Variants in CDK17 observed in about 807,000 individuals in gnomAD.
The protein encoded by CDK17 is cyclin dependent kinase 17.
CDK17 carries 24 observed loss-of-function variants against 77.6 expected under a neutral mutation model. The observed-to-expected ratio is 0.31, with a 90% CI of 0.22 to 0.44. The LOEUF is 0.44. Ranked by LOEUF, CDK17 falls within the 20% of genes least tolerant of loss-of-function variation. The probability of loss-of-function intolerance (pLI) is 1.00; values close to 1 mark genes in which losing one functional copy is unlikely to be tolerated. For missense variants in CDK17, 429 were observed against 622.5 expected, an observed-to-expected ratio of 0.69 and a Z score of 3.31; for synonymous variants, 203 against 210.4, an observed-to-expected ratio of 0.96 and a Z score of 0.30.
intron 1 of CDK17, among the ~76,000 whole-genome samples, chr12:96,369,056 C>T (rs1953646584): frequency 6.6e-6 from 1 of 152,038 alleles, no homozygotes; most frequent in African/African-American, 2.4e-5. Flanking sequence ...AAAAAGTAGG[C>T]CTGTGATAGG....
chr12:96,316,245 G>GAC, intron 3 of CDK17, among the ~76,000 whole-genome samples: 1 of 152,282 alleles, frequency 6.6e-6, no homozygotes, highest in South Asian at 2.1e-4. Flanking sequence ...GCGCTTGTCA[G>GAC]ACCGGCTTAA....
chr12:96,353,115 T>G (rs935521732), intron 1 of CDK17, among the ~76,000 whole-genome samples: 1 of 152,202 alleles, frequency 6.6e-6, no homozygotes, highest in Admixed American at 6.5e-5. Context: ...TATTTGGCCA[T>G]GTAATATCAA....
intron 13 of CDK17, among the ~76,000 whole-genome samples, chr12:96,284,122 G>A (rs565021323): frequency 6.6e-5 from 10 of 152,222 alleles, no homozygotes; most frequent in South Asian, 4.1e-4. Flanking sequence ...GCTTAGCACC[G>A]GGTACTAGAA....
chr12:96,329,019 T>C (rs978956100), intron 2 of CDK17, among the ~76,000 whole-genome samples: 2 of 152,084 alleles, frequency 1.3e-5, no homozygotes, highest in African/African-American at 2.4e-5. Flanking sequence ...TTGGCGACAA[T>C]ATGCTAAGGG....
chr12:96,368,851 A>ACAACAGAG (rs1328632601), intron 1 of CDK17, among the ~76,000 whole-genome samples: 1 of 141,688 alleles, frequency 7.1e-6, no homozygotes, highest in African/African-American at 2.6e-5. Context: ...GGAAAGGAGC[A>ACAACAGAG]CAACAGAGTC....
intron 1 of CDK17, among the ~76,000 whole-genome samples, chr12:96,370,502 T>G (rs541076395): frequency 6.6e-6 from 1 of 152,332 alleles, no homozygotes; most frequent in Admixed American, 6.5e-5. Flanking sequence ...AGATCAAAAG[T>G]AGGATAAGCA....
chr12:96,376,439 T>A (rs1451340730), intron 1 of CDK17, among the ~76,000 whole-genome samples: 3 of 152,172 alleles, frequency 2.0e-5, no homozygotes, highest in Non-Finnish European at 4.4e-5. Context: ...GCCATTCTTA[T>A]CAACACCCAC....
intron 1 of CDK17, among the ~76,000 whole-genome samples, chr12:96,359,364 T>TTTTA (rs1253513699): frequency 3.9e-5 from 6 of 152,216 alleles, no homozygotes; most frequent in Admixed American, 2.6e-4. Context: ...ATAACAAAGA[T>TTTTA]TTTATTCTCT....
intron 1 of CDK17, among the ~76,000 whole-genome samples, chr12:96,346,913 CA>C (rs35225386): frequency 1.3e-3 from 174 of 130,536 alleles, no homozygotes; most frequent in Middle Eastern, 4.1e-3. Flanking sequence ...GACTCTGTCT[CA>C]AAAAAAAAAA....
At chr12:96,373,283 C>G (rs1953721201) in intron 1 of CDK17, among the ~76,000 whole-genome samples, 1 of 152,160 alleles carries the variant, frequency 6.6e-6, no homozygotes, top group African/African-American at 2.4e-5. Flanking sequence ...ATTTAGTTTT[C>G]TCTTCAGAGA....
At chr12:96,315,238 A>T (rs955210537) in intron 3 of CDK17, among the ~76,000 whole-genome samples, 1 of 152,228 alleles carries the variant, frequency 6.6e-6, no homozygotes, top group Non-Finnish European at 1.5e-5. Context: ...GCTTAGATTA[A>T]GGAGAAATTT....
intron 2 of CDK17, among the ~76,000 whole-genome samples, chr12:96,334,049 T>A (rs529606044): frequency 6.6e-6 from 1 of 152,182 alleles, no homozygotes; most frequent in South Asian, 2.1e-4. Flanking sequence ...CTGCCACAAA[T>A]CTCTAACAGC....
At chr12:96,283,667 T>C in intron 13 of CDK17, 22 bp from the exon 14 acceptor site, 1 of 1,532,328 alleles carries the variant, frequency 6.5e-7, no homozygotes, top group African/African-American at 1.4e-5. Flanking sequence ...AAAGAACAAG[T>C]AAAAATTTAT....
chr12:96,345,897 T>A (rs929884929), intron 1 of CDK17, among the ~76,000 whole-genome samples: 6 of 152,192 alleles, frequency 3.9e-5, no homozygotes, highest in Non-Finnish European at 8.8e-5. Context: ...AAATAAGACA[T>A]ACAGAAAACA....
chr12:96,396,045 C>T (rs1328890591), intron 1 of CDK17, among the ~76,000 whole-genome samples: 2 of 152,232 alleles, frequency 1.3e-5, no homozygotes, highest in Admixed American at 6.5e-5. Context: ...AGATAATTTT[C>T]ACCTCATCCC....
rs1442012189 is a variant in CDK17, at chr12:96,304,379, A to G, written c.544-4019T>C. 2.0e-5 allele frequency among the ~76,000 whole-genome samples: 3 copies of G among 152,178 alleles called. No individual in the cohort carries two copies. In the East Asian group the frequency reaches 5.8e-4, roughly 29 times the overall value. ...TAGTGAAACCCTGTCTCTACTAAAA[A>G]TACAAAAATTAGCTGGGTGTGGTGG... On this transcript the variant is annotated intron_variant, in intron 5 of 16. Transcript: ENST00000261211.
intron 1 of CDK17, among the ~76,000 whole-genome samples, chr12:96,361,513 T>C (rs1409972789): frequency 6.6e-6 from 1 of 152,236 alleles, no homozygotes; most frequent in Non-Finnish European, 1.5e-5. Context: ...TTAATACCTG[T>C]ATGATTTTAT....
chr12:96,278,280 C>T lies in CDK17; in HGVS notation c.*1962G>A, dbSNP rs191954085. The stretch of plus-strand genomic sequence containing the variant: ...TGGATATATATTTTCATCTTTTATA[C>T]GCAAGAATTAAGCCTATGAAAAGCT... On this transcript the variant is annotated 3_prime_UTR_variant, in exon 17 of 17. Transcript: ENST00000261211. The T allele has an allele frequency of 5.7e-4, 87 of 152,068 alleles. No individual in the cohort carries two copies. Among genetic ancestry groups the T allele is most frequent in the African/African-American group, 1.8e-3 (75 of 41,512 alleles). The allele number at this position is 152,068 out of a possible 1,614,324, so 9.4% of individuals were successfully genotyped here. A position where few individuals can be genotyped will look rare whatever the true frequency, so the allele number is the denominator to read the frequency against.
intron 1 of CDK17, among the ~76,000 whole-genome samples, chr12:96,347,090 G>C (rs1953226295): frequency 6.6e-6 from 1 of 152,156 alleles, no homozygotes; most frequent in Non-Finnish European, 1.5e-5. Context: ...TATATTATAA[G>C]GGGTTCGATA....
Sources: allele counts gnomAD v4.1 joint callset (sites outside exome capture counted in the v4.1 genomes callset), GRCh38; gene constraint gnomAD v4.1.1; transcripts MANE v1.5; gene names NCBI Gene and HGNC (gene_info 2026-07-23, HGNC 2026-07-21).